Variants in DRC2 observed in about 807,000 individuals in gnomAD.
DRC2 encodes the protein coiled-coil domain containing 65.
chr12:48,905,377 A>G, the DRC2 span, among the ~76,000 whole-genome samples: 3 of 152,210 alleles, frequency 2.0e-5, no homozygotes, highest in Non-Finnish European at 4.4e-5. Context: ...GACATCACCC[A>G]GTGACTTGAA....
the DRC2 span, among the ~76,000 whole-genome samples, chr12:48,912,843 A>G: frequency 3.5e-4 from 53 of 152,254 alleles, 1 homozygote; most frequent in Non-Finnish European, 5.9e-5. Context: ...TTATGATAAG[A>G]TACCCCAGGT....
the DRC2 span, among the ~76,000 whole-genome samples, chr12:48,920,752 T>TA: frequency 6.6e-6 from 1 of 152,018 alleles, no homozygotes; most frequent in African/African-American, 2.4e-5. Flanking sequence ...AATTTTACAA[T>TA]AAGAAAATAC....
chr12:48,918,749 G>A, the DRC2 span: 33 of 1,614,062 alleles, frequency 2.0e-5, no homozygotes, highest in African/African-American at 2.7e-5. Flanking sequence ...GATGAGAACC[G>A]GTATATCCGT....
At chr12:48,917,662 C>T in the DRC2 span, among the ~76,000 whole-genome samples, 1 of 152,056 alleles carries the variant, frequency 6.6e-6, no homozygotes, top group African/African-American at 2.4e-5. Flanking sequence ...CTAAAAAGCA[C>T]CAAGGAGATC....
chr12:48,904,231 G>C, the DRC2 span: 1 of 1,451,544 alleles, frequency 6.9e-7, no homozygotes, highest in Non-Finnish European at 9.2e-7. Flanking sequence ...CCCACAACCA[G>C]GGGCACTTCT....
chr12:48,904,303 G>A, the DRC2 span: 3 of 1,598,086 alleles, frequency 1.9e-6, no homozygotes, highest in Non-Finnish European at 2.6e-6. Flanking sequence ...GAGGCAGACC[G>A]AGGCTTCTTT....
At chr12:48,921,482 G>C in the DRC2 span, 1 of 1,536,738 alleles carries the variant, frequency 6.5e-7, no homozygotes, top group South Asian at 1.3e-5. Context: ...TCCACAACCT[G>C]TGATCTAAGG....
At chr12:48,909,923 G>C in the DRC2 span, among the ~76,000 whole-genome samples, 4 of 152,028 alleles carry the variant, frequency 2.6e-5, no homozygotes, top group Non-Finnish European at 5.9e-5. Flanking sequence ...TGGGACTACA[G>C]GTGTGCGCCA....
chr12:48,909,666 C>T, the DRC2 span, among the ~76,000 whole-genome samples: 3 of 151,736 alleles, frequency 2.0e-5, no homozygotes, highest in Non-Finnish European at 2.9e-5. Flanking sequence ...TTAGTAGATA[C>T]GGGGTTTCGC....
At chr12:48,906,884 A>G in the DRC2 span, among the ~76,000 whole-genome samples, 180 of 151,234 alleles carry the variant, frequency 1.2e-3, 2 homozygotes, top group African/African-American at 4.3e-3. Flanking sequence ...ATGGATTTTT[A>G]AGAGGCTTTT....
At chr12:48,921,377 C>T in the DRC2 span, 1 of 1,614,164 alleles carries the variant, frequency 6.2e-7, no homozygotes, top group Non-Finnish European at 8.5e-7. Context: ...ACTATCAAAG[C>T]AACTTACTCC....
At chr12:48,918,363 A>C in the DRC2 span, 1 of 1,614,214 alleles carries the variant, frequency 6.2e-7, no homozygotes, top group Non-Finnish European at 8.5e-7. Flanking sequence ...CTCAAGAATT[A>C]CACTGATGCC....
At chr12:48,916,875 G>C in the DRC2 span, 1 of 1,212,932 alleles carries the variant, frequency 8.2e-7, no homozygotes, top group Non-Finnish European at 1.2e-6. Context: ...CTAAGAGTTT[G>C]TACCATTCAC....
the DRC2 span, chr12:48,905,060 A>T: frequency 6.2e-7 from 1 of 1,613,982 alleles, no homozygotes; most frequent in Non-Finnish European, 8.5e-7. Context: ...GGACATTGAG[A>T]TCCTCAGCCA....
At chr12:48,909,609 C>T in the DRC2 span, among the ~76,000 whole-genome samples, 1 of 152,138 alleles carries the variant, frequency 6.6e-6, no homozygotes, top group Non-Finnish European at 1.5e-5. Context: ...TCCCAAGTAG[C>T]TGGGATTACA....
chr12:48,918,553 C>G, the DRC2 span: 1 of 1,507,078 alleles, frequency 6.6e-7, no homozygotes. Context: ...TTCCCCTGGG[C>G]CTCATCACTG....
chr12:48,921,026 G>A, the DRC2 span: 4 of 1,613,532 alleles, frequency 2.5e-6, no homozygotes, highest in African/African-American at 4.0e-5. Flanking sequence ...GACTCCTAAG[G>A]AGCAGGAGGG....
chr12:48,911,299 C>G, the DRC2 span, among the ~76,000 whole-genome samples: 1 of 152,054 alleles, frequency 6.6e-6, no homozygotes, highest in Non-Finnish European at 1.5e-5. Flanking sequence ...GTGGTTCATG[C>G]TTGTAATCCC....
Sources: gnomAD v4.1 joint callset for allele counts (sites outside exome capture counted in the v4.1 genomes callset) on GRCh38, gnomAD v4.1.1 for gene constraint, MANE v1.5 for transcripts, NCBI Gene and HGNC (gene_info 2026-07-23, HGNC 2026-07-21) for gene names.